GRIN2A: variants seen among roughly 807,000 people sequenced by gnomAD.
The protein encoded by GRIN2A is glutamate ionotropic receptor NMDA type subunit 2A.
GRIN2A carries 22 observed loss-of-function variants against 113.4 expected under a neutral mutation model. The ratio of observed to expected loss-of-function variants is 0.19; its 90% CI spans 0.14 to 0.28. GRIN2A has a LOEUF of 0.28. GRIN2A is among the 10% of genes least tolerant of loss of function. The pLI is 1.00. For missense variants in GRIN2A, 1,502 were observed against 1,887.0 expected, an observed-to-expected ratio of 0.80 and a Z score of 3.78; for synonymous variants, 827 against 738.4, an observed-to-expected ratio of 1.12 and a Z score of -1.94.
intron 2 of GRIN2A, among the ~76,000 whole-genome samples, chr16:10,047,815 C>G (rs2047286614): frequency 6.6e-6 from 1 of 152,160 alleles, no homozygotes; most frequent in African/African-American, 2.4e-5. Context: ...CTCCTCCACT[C>G]CTTGGCAGGA....
At chr16:9,981,937 C>T (rs2045899710) in intron 2 of GRIN2A, among the ~76,000 whole-genome samples, 1 of 152,108 alleles carries the variant, frequency 6.6e-6, no homozygotes, top group Non-Finnish European at 1.5e-5. Flanking sequence ...CAGACATGTG[C>T]CACCATGCCT....
At chr16:9,815,413 CAAAAAAA>C (rs71157786) in intron 10 of GRIN2A, among the ~76,000 whole-genome samples, 1 of 111,920 alleles carries the variant, frequency 8.9e-6, no homozygotes, top group Non-Finnish European at 1.9e-5. Flanking sequence ...TAACAACAAC[CAAAAAAA>C]AAAAAAAAAA....
At chr16:10,100,454 G>T (rs992419180) in intron 2 of GRIN2A, among the ~76,000 whole-genome samples, 1 of 152,152 alleles carries the variant, frequency 6.6e-6, no homozygotes. Context: ...GACTGATGTT[G>T]GTCAAGTTAC....
intron 2 of GRIN2A, among the ~76,000 whole-genome samples, chr16:9,952,986 T>A (rs1026643313): frequency 6.6e-6 from 1 of 152,154 alleles, no homozygotes; most frequent in Non-Finnish European, 1.5e-5. Flanking sequence ...GAAAGAATTT[T>A]TTAGCAGCGG....
At chr16:9,954,532 C>T (rs1471117104) in intron 2 of GRIN2A, among the ~76,000 whole-genome samples, 1 of 152,128 alleles carries the variant, frequency 6.6e-6, no homozygotes, top group Non-Finnish European at 1.5e-5. Flanking sequence ...GATGGGGGAG[C>T]ATCAAGGGGC....
intron 2 of GRIN2A, 106 bp downstream of exon 2, chr16:10,179,892 C>CCCCAAAAAAAAAAAAAA: frequency 2.8e-6 from 2 of 721,358 alleles, no homozygotes; most frequent in Non-Finnish European, 4.7e-6. Context: ...ACCCCCACCC[C>CCCCAAAAAAAAAAAAAA]CACTTCACAT....
intron 2 of GRIN2A, among the ~76,000 whole-genome samples, chr16:10,049,533 A>G (rs2047320072): frequency 6.6e-6 from 1 of 151,854 alleles, no homozygotes; most frequent in South Asian, 2.1e-4. Context: ...ACCCACAACT[A>G]CGCCCACCTA....
intron 5 of GRIN2A, among the ~76,000 whole-genome samples, chr16:9,844,668 T>A (rs2042740965): frequency 6.6e-6 from 1 of 152,104 alleles, no homozygotes; most frequent in African/African-American, 2.4e-5. Flanking sequence ...GCCATGCGAG[T>A]CAGAGCTGTG....
chr16:9,755,000 A>G lies in GRIN2A; in HGVS notation c.*8149T>C, dbSNP rs1343233696. 4.9e-6 allele frequency: 1 copy of G among 203,176 alleles called. No homozygotes were observed. The highest frequency in any genetic ancestry group is 2.3e-5 in the African/African-American group (1 of 43,652). 12.6% of individuals were successfully genotyped at this position (203,176 alleles called of 1,614,324 possible). A position where few individuals can be genotyped will look rare whatever the true frequency, so the allele number is the denominator to read the frequency against. On this transcript the variant is annotated 3_prime_UTR_variant, in exon 13 of 13. Coordinates refer to ENST00000330684, the MANE Select transcript of GRIN2A (RefSeq NM_001134407.3). ...GGTATTGGCTATGAGTTATGTTAAT[A>G]TCCTATTGAAGGTTCATCTTAAATC...
intron 4 of GRIN2A, among the ~76,000 whole-genome samples, chr16:9,866,842 T>G (rs1196320869): frequency 2.6e-5 from 4 of 152,010 alleles, no homozygotes; most frequent in African/African-American, 4.8e-5. Context: ...TTGACTTGAG[T>G]GACTCTAAAT....
At chr16:9,905,997 C>A (rs1377312700) in intron 3 of GRIN2A, among the ~76,000 whole-genome samples, 1 of 152,184 alleles carries the variant, frequency 6.6e-6, no homozygotes. Flanking sequence ...GTTTCTCCTT[C>A]ATTACCTTTT....
chr16:10,030,176 T>C (rs1316240745), intron 2 of GRIN2A, among the ~76,000 whole-genome samples: 1 of 52,360 alleles, frequency 1.9e-5, no homozygotes, highest in Non-Finnish European at 4.2e-5. Flanking sequence ...TTCACGTTCT[T>C]GGGTGATTTT....
chr16:9,973,488 G>C (rs1409925266), intron 2 of GRIN2A, among the ~76,000 whole-genome samples: 2 of 152,106 alleles, frequency 1.3e-5, no homozygotes, highest in Non-Finnish European at 2.9e-5. Flanking sequence ...CTACAAGAAA[G>C]AGAATGGAGA....
chr16:9,886,172 C>T (rs1405145793), intron 4 of GRIN2A, among the ~76,000 whole-genome samples: 1 of 152,112 alleles, frequency 6.6e-6, no homozygotes, highest in Admixed American at 6.5e-5. Flanking sequence ...AAGTGAATCG[C>T]AGATTGTGTA....
At chr16:10,139,535 GGATACAGATGTGGCTGCTCACACTTA>G (rs1197870235) in intron 2 of GRIN2A, among the ~76,000 whole-genome samples, 1 of 152,190 alleles carries the variant, frequency 6.6e-6, no homozygotes, top group African/African-American at 2.4e-5. Context: ...ACATCCCAGG[GGATACAGATGTGGCTGCTCACACTTA>G]GAGTAGTAAG....
At chr16:9,928,803 C>T (rs1037294818) in intron 3 of GRIN2A, among the ~76,000 whole-genome samples, 8 of 152,220 alleles carry the variant, frequency 5.3e-5, no homozygotes, top group Non-Finnish European at 1.2e-4. Flanking sequence ...TTCCTTATCT[C>T]TCCAAAGCCA....
At chr16:9,979,035 T>C (rs1405711368) in intron 2 of GRIN2A, among the ~76,000 whole-genome samples, 1 of 152,172 alleles carries the variant, frequency 6.6e-6, no homozygotes, top group Non-Finnish European at 1.5e-5. Context: ...TTGCCTCTCT[T>C]ACAATGCGGG....
chr16:10,099,575 C>T (rs1317996551), intron 2 of GRIN2A, among the ~76,000 whole-genome samples: 2 of 152,180 alleles, frequency 1.3e-5, no homozygotes, highest in Non-Finnish European at 2.9e-5. Flanking sequence ...GAGCTGCTGT[C>T]CTCTGAGAGT....
At chr16:9,900,108 T>C (rs2043890658) in intron 3 of GRIN2A, among the ~76,000 whole-genome samples, 1 of 152,174 alleles carries the variant, frequency 6.6e-6, no homozygotes, top group Non-Finnish European at 1.5e-5. Flanking sequence ...TAAACTATGG[T>C]AGGGGTAGCA....
Sources: allele counts gnomAD v4.1 joint callset (sites outside exome capture counted in the v4.1 genomes callset), GRCh38; gene constraint gnomAD v4.1.1; transcripts MANE v1.5; gene names NCBI Gene and HGNC (gene_info 2026-07-23, HGNC 2026-07-21).